The following NAV1 variants were observed in gnomAD, a reference collection of about 807,000 sequenced individuals.
The protein encoded by NAV1 is pore membrane and/or filament interacting like protein 3.
A neutral mutation model predicts 175.2 loss-of-function variants in NAV1; 18 were observed. The ratio of observed to expected loss-of-function variants is 0.10; its 90% CI spans 0.07 to 0.15. NAV1 has a LOEUF of 0.15. Ranked by LOEUF, NAV1 falls within the 10% of genes least tolerant of loss-of-function variation. NAV1 has a pLI of 1.00. For missense variants in NAV1, 1,731 were observed against 2,436.6 expected (o/e 0.71, Z 6.10); for synonymous variants, 897 against 978.7 (o/e 0.92, Z 1.56).
At chr1:201,714,801 T>C (rs1022310551) in intron 2 of NAV1, among the ~76,000 whole-genome samples, 1 of 152,174 alleles carries the variant, frequency 6.6e-6, no homozygotes, top group Non-Finnish European at 1.5e-5. Context: ...CCCAAATGAC[T>C]CACTCACAGG....
At chr1:201,642,468 A>G (rs1340746505) in intron 2 of NAV1, among the ~76,000 whole-genome samples, 2 of 150,034 alleles carry the variant, frequency 1.3e-5, no homozygotes, top group Admixed American at 6.7e-5. Context: ...CTCGTGATTC[A>G]CCCAAAGTGC....
chr1:201,665,598 C>A (rs907149477), intron 1 of NAV1, among the ~76,000 whole-genome samples: 1 of 88,054 alleles, frequency 1.1e-5, no homozygotes, highest in African/African-American at 4.7e-5. Flanking sequence ...CCACCCCCCC[C>A]ACTGCCCACC....
At chr1:201,601,863 TC>T (rs1322797542) in intron 2 of NAV1, among the ~76,000 whole-genome samples, 4 of 151,372 alleles carry the variant, frequency 2.6e-5, no homozygotes, top group Non-Finnish European at 4.4e-5. Context: ...AGCAGGAGAG[TC>T]CCCTAGCCCA....
intron 3 of NAV1, among the ~76,000 whole-genome samples, chr1:201,778,318 C>T (rs1326855845): frequency 6.6e-6 from 1 of 152,200 alleles, no homozygotes; most frequent in African/African-American, 2.4e-5. Context: ...TCCATAAGAG[C>T]TTTCTTTGCC....
Position 201,715,141 on chromosome 1 carries a change from A to G in NAV1, c.860+2222A>G, listed in dbSNP as rs182708742. 4.7e-4 allele frequency among the ~76,000 whole-genome samples: 71 copies of G among 150,400 alleles called. 1 individual carries two copies. Among genetic ancestry groups the G allele is most frequent in the African/African-American group, 1.6e-3 (66 of 41,004 alleles). On this transcript the variant is annotated intron_variant, in intron 2 of 29. Coordinates refer to ENST00000367296, the Ensembl canonical transcript of NAV1. ...CTGTTCCACACTGGTAGCCAAAACA[A>G]TGATTCCCTGACTTTTTATGGCTCT...
intron 3 of NAV1, among the ~76,000 whole-genome samples, chr1:201,769,763 G>GA (rs1158029882): frequency 1.3e-5 from 2 of 151,716 alleles, no homozygotes; most frequent in South Asian, 2.1e-4. Flanking sequence ...AGAAGAAAAA[G>GA]AAAAAAAAGA....
Position 201,582,290 on chromosome 1 carries a change from T to TGA in NAV1, c.-143-6240_-143-6239dup, listed in dbSNP as rs568172734. 1.4e-3 allele frequency among the ~76,000 whole-genome samples: 220 copies of TGA among 152,164 alleles called. 1 individual carries two copies. The highest frequency in any genetic ancestry group is 4.2e-3 in the African/African-American group (176 of 41,514). On this transcript the variant is annotated intron_variant, in intron 1 of 33. Transcript: ENST00000685211. The stretch of plus-strand genomic sequence containing the variant: ...AATTTAGTGCTGAGAACTGGCTACA[T>TGA]GAGAGAGAGAAGAGCTGACGAGTCA...
chr1:201,692,512 C>A (rs1428584661), intron 1 of NAV1, among the ~76,000 whole-genome samples: 1 of 152,150 alleles, frequency 6.6e-6, no homozygotes, highest in Non-Finnish European at 1.5e-5. Context: ...TTGTAATGGT[C>A]TGGAAAATGC....
intron 3 of NAV1, among the ~76,000 whole-genome samples, chr1:201,727,032 C>G (rs958385984): frequency 6.6e-6 from 1 of 152,176 alleles, no homozygotes; most frequent in Non-Finnish European, 1.5e-5. Flanking sequence ...TTTCACCTCC[C>G]TCTGCTTGTT....
chr1:201,656,166 C>G (rs981205081), intron 1 of NAV1, among the ~76,000 whole-genome samples: 1 of 152,230 alleles, frequency 6.6e-6, no homozygotes, highest in Non-Finnish European at 1.5e-5. Flanking sequence ...TGGGCCTTGG[C>G]CTGAGCCATC....
Position 201,810,510 on chromosome 1 carries a change from G to C in NAV1, c.4562-13G>C. 6.3e-7 allele frequency: 1 copy of C among 1,599,388 alleles called. No individual in the cohort carries two copies. The highest frequency in any genetic ancestry group is 8.5e-7 in the Non-Finnish European group (1 of 1,172,902). ...CCTGGTCAATACTCATGCTTTCTGG[G>C]GTGGGGGTTCAGGTCTGAAGGAGAA... On this transcript the variant is annotated splice_polypyrimidine_tract_variant and intron_variant, in intron 23 of 29. Coordinates refer to ENST00000367296, the Ensembl canonical transcript of NAV1. This position sits in a 1 kb window ranked among gnomAD's most constrained non-coding sequence, Gnocchi z 6.0.
intron 1 of NAV1, among the ~76,000 whole-genome samples, chr1:201,582,731 C>T (rs1350940050): frequency 6.6e-6 from 1 of 152,208 alleles, no homozygotes; most frequent in Non-Finnish European, 1.5e-5. Flanking sequence ...GTGAGGAAGC[C>T]TGTCCTCGGG....
At chr1:201,564,204 G>C (rs1000272924) in intron 1 of NAV1, among the ~76,000 whole-genome samples, 1 of 151,460 alleles carries the variant, frequency 6.6e-6, no homozygotes, top group African/African-American at 2.5e-5. Context: ...CTGGCACAGG[G>C]TCTGGCTCAT....
intron 1 of NAV1, among the ~76,000 whole-genome samples, chr1:201,548,088 A>G (rs1665720470): frequency 6.6e-6 from 1 of 152,246 alleles, no homozygotes; most frequent in Non-Finnish European, 1.5e-5. Context: ...CACTGTGCCC[A>G]GCCCACTAGG....
At chr1:201,558,516 A>G (rs1306613129) in intron 1 of NAV1, among the ~76,000 whole-genome samples, 1 of 152,162 alleles carries the variant, frequency 6.6e-6, no homozygotes, top group African/African-American at 2.4e-5. Flanking sequence ...GCAGTGGCAC[A>G]ATCTCGGCTC....
At chr1:201,805,989 CT>C (rs201639996) in intron 17 of NAV1, among the ~76,000 whole-genome samples, 146 of 143,768 alleles carry the variant, frequency 1.0e-3, no homozygotes, top group Non-Finnish European at 9.2e-4. Flanking sequence ...CTCTCTCTCT[CT>C]TTTTTTTTTT....
At chr1:201,800,371 A>G (rs1270757311) in intron 15 of NAV1, among the ~76,000 whole-genome samples, 1 of 152,150 alleles carries the variant, frequency 6.6e-6, no homozygotes, top group Non-Finnish European at 1.5e-5. Flanking sequence ...GCATGTTCTG[A>G]GGGGGAATGT....
intron 3 of NAV1, among the ~76,000 whole-genome samples, chr1:201,777,015 T>C (rs1055043143): frequency 1.3e-5 from 2 of 152,136 alleles, no homozygotes; most frequent in South Asian, 4.1e-4. Flanking sequence ...CATAGAACAA[T>C]GCCTTTAGAT....
At chr1:201,802,099 T>C (rs1302448794) in intron 15 of NAV1, among the ~76,000 whole-genome samples, 3 of 110,402 alleles carry the variant, frequency 2.7e-5, no homozygotes, top group South Asian at 3.9e-4. Context: ...ATTCCGCCAC[T>C]GCACTCCAGC....
Sources: gnomAD v4.1 joint callset for allele counts (sites outside exome capture counted in the v4.1 genomes callset) on GRCh38, gnomAD v4.1.1 for gene constraint, Gnocchi (gnomAD v3.1) non-coding constraint, MANE v1.5 for transcripts, NCBI Gene and HGNC (gene_info 2026-07-23, HGNC 2026-07-21) for gene names.